ATP2B1: variants seen among roughly 807,000 people sequenced by gnomAD.
ATP2B1 encodes the protein plasma membrane calcium-transporting ATPase 1.
A neutral mutation model predicts 124.2 loss-of-function variants in ATP2B1; 14 were observed. The ratio of observed to expected loss-of-function variants is 0.11; its 90% confidence interval spans 0.07 to 0.18. The LOEUF is 0.18. ATP2B1 is among the 10% of genes least tolerant of loss of function. ATP2B1 has a pLI of 1.00. For missense variants in ATP2B1, 763 were observed against 1,466.1 expected, an observed-to-expected ratio of 0.52 and a Z score of 7.83; for synonymous variants, 449 against 492.4, an observed-to-expected ratio of 0.91 and a Z score of 1.17.
chr12:89,602,482 TC>T (rs1350185705), intron 18 of ATP2B1, among the ~76,000 whole-genome samples: 1 of 152,200 alleles, frequency 6.6e-6, no homozygotes. Context: ...ACTTCTCGGT[TC>T]CACTATTTTT....
At chr12:89,678,730 T>C (rs1324686073) in intron 1 of ATP2B1, among the ~76,000 whole-genome samples, 1 of 152,180 alleles carries the variant, frequency 6.6e-6, no homozygotes, top group Admixed American at 6.5e-5. Context: ...ATTTCAGCCA[T>C]GCAAAAGTCA....
intron 2 of ATP2B1, 77 bp downstream of exon 2, chr12:89,655,602 A>G (rs1885862515): frequency 7.4e-7 from 1 of 1,355,678 alleles, no homozygotes; most frequent in Non-Finnish European, 1.0e-6. Flanking sequence ...CCAAGATAAT[A>G]TAAGCATGCT....
chr12:89,604,439 C>A (rs1876445322), intron 15 of ATP2B1, 93 bp from the exon 16 acceptor site: 3 of 889,128 alleles, frequency 3.4e-6, no homozygotes, highest in Non-Finnish European at 5.0e-6. Context: ...AAAAGTTTAC[C>A]ATTATACCTA....
chr12:89,631,996 G>GTA (rs1881947278), intron 5 of ATP2B1, among the ~76,000 whole-genome samples: 1 of 152,128 alleles, frequency 6.6e-6, no homozygotes, highest in South Asian at 2.1e-4. Context: ...AGGATAAAGA[G>GTA]TATATTCTTC....
intron 20 of ATP2B1, among the ~76,000 whole-genome samples, chr12:89,595,440 A>G (rs1319163507): frequency 6.6e-6 from 1 of 152,100 alleles, no homozygotes; most frequent in Admixed American, 6.6e-5. Flanking sequence ...TGTTTTCTCT[A>G]GAGACCTGTA....
At position 89,611,208 on chromosome 12, in the gene ATP2B1, T is replaced by C; in HGVS notation, c.2232A>G (p.Arg744=). ...LEGKDFNRRI[R]NEKGEIEQER... is the part of the protein sequence containing the mutation. ...AAATCTTTACCTCTCCTTTTTCATT[T>C]CGTATTCTTCTGTTAAAATCTTTAC... The change falls in exon 13 of 21, where the codon CGA becomes CGG. Residue 744 remains arginine, a synonymous_variant. Transcript: ENST00000428670. 6.3e-7 allele frequency: 1 copy of C among 1,586,222 alleles called. No individual in the cohort carries two copies. The highest frequency in any genetic ancestry group is 2.2e-5 in the East Asian group (1 of 44,760).
chr12:89,594,183 C>T (rs1592691880), intron 20 of ATP2B1: 2 of 151,958 alleles, frequency 1.3e-5, no homozygotes, highest in Non-Finnish European at 2.9e-5. Context: ...AATCATCGAA[C>T]CAGAGTTGTT....
chr12:89,665,050 C>T (rs1329749643), intron 1 of ATP2B1, among the ~76,000 whole-genome samples: 4 of 152,136 alleles, frequency 2.6e-5, no homozygotes, highest in East Asian at 1.9e-4. Flanking sequence ...AGGATAGTCT[C>T]GATCTCCTGA....
chr12:89,677,971 T>TACACAC (rs869199593), intron 1 of ATP2B1, among the ~76,000 whole-genome samples: 1,369 of 52,056 alleles, frequency 0.026, 61 homozygotes, highest in African/African-American at 0.044. Context: ...TATATATATA[T>TACACAC]ACACACACAC....
In ATP2B1 at chr12:89,635,156, A is replaced by C. The variant is rs754271168; in HGVS notation, c.502T>G (p.Leu168Val). 10 of 1,613,918 alleles carry C rather than the reference A, an allele frequency of 6.2e-6. No individual in the cohort carries two copies. The highest frequency in any genetic ancestry group is 8.5e-6 in the Non-Finnish European group (10 of 1,179,888). The change falls in exon 4 of 21, where the codon TTA (leucine) becomes GTA (valine). Residue 168 changes from leucine (L) to valine (V), a missense_variant. Leu to Val is a conservative substitution (Grantham distance 32, BLOSUM62 1). Coordinates refer to ENST00000428670, the MANE Select transcript of ATP2B1 (RefSeq NM_001366521.1). ...CTCCAGTCATTGAAAGCTGTTACTA[A>C]CACCACACACACTACAGACAAGAGG... ...AILLSVVCVV[L>V]VTAFNDWSKE...
chr12:89,620,348 T>A, intron 10 of ATP2B1, 108 bp from the exon 11 acceptor site: 1 of 1,318,938 alleles, frequency 7.6e-7, no homozygotes, highest in Non-Finnish European at 1.0e-6. Flanking sequence ...AAAGCAATTG[T>A]CTAATATCAA....
intron 1 of ATP2B1, among the ~76,000 whole-genome samples, chr12:89,659,265 A>C (rs1311633338): frequency 6.6e-6 from 1 of 152,162 alleles, no homozygotes; most frequent in East Asian, 1.9e-4. Context: ...TTTTAAAGAA[A>C]GCACATGTAG....
chr12:89,635,368 A>G, intron 3 of ATP2B1, 117 bp from the exon 4 acceptor site: 1 of 1,184,204 alleles, frequency 8.4e-7, no homozygotes, highest in Non-Finnish European at 1.2e-6. Context: ...TACTTATAGC[A>G]ATAAATACTT....
intron 1 of ATP2B1, among the ~76,000 whole-genome samples, chr12:89,677,789 T>C (rs960074825): frequency 1.1e-4 from 17 of 151,914 alleles, no homozygotes; most frequent in African/African-American, 3.9e-4. Context: ...AATTATATGT[T>C]CATCCTTTTC....
intron 19 of ATP2B1, among the ~76,000 whole-genome samples, chr12:89,600,994 A>G (rs1875716705): frequency 6.6e-6 from 1 of 152,196 alleles, no homozygotes; most frequent in Non-Finnish European, 1.5e-5. Flanking sequence ...TGAAAATGTA[A>G]AAATAGGTTA....
At chr12:89,671,088 T>C (rs1887916837) in intron 1 of ATP2B1, among the ~76,000 whole-genome samples, 1 of 152,110 alleles carries the variant, frequency 6.6e-6, no homozygotes, top group African/African-American at 2.4e-5. Context: ...GACACTGCCA[T>C]TTTTGTGGAT....
At chr12:89,598,814 A>T in intron 20 of ATP2B1, 1 of 1,558,314 alleles carries the variant, frequency 6.4e-7, no homozygotes. Flanking sequence ...GGACCATTCC[A>T]TCTATCAACA....
rs1197757771 is a variant in ATP2B1, at chr12:89,652,324, A to G, written c.208+3355T>C. Among the ~76,000 whole-genome samples, 3 of 150,702 alleles carry G rather than the reference A, an allele frequency of 2.0e-5. No homozygotes were observed. In the East Asian group the frequency reaches 5.9e-4, roughly 29 times the overall value. ...ATTATACACCAACAACTGCCTTCCC[A>G]GTAACTGCCAGGCCCCACCACCTTT... On this transcript the variant is annotated intron_variant, in intron 2 of 20. Coordinates refer to ENST00000428670, the MANE Select transcript of ATP2B1 (RefSeq NM_001366521.1).
In ATP2B1 at chr12:89,617,774, C is replaced by G. The variant is rs927583461; in HGVS notation, c.1830-735G>C. Among the ~76,000 whole-genome samples, 3 of 152,200 alleles carry G rather than the reference C, an allele frequency of 2.0e-5. No individual in the cohort carries two copies. In the East Asian group the frequency reaches 5.8e-4, roughly 29 times the overall value. ...TTCCATCACTGCTGAAAAATTCTAC[C>G]CAGATGTTTTATCAGTACCTAAACC... On this transcript the variant is annotated intron_variant, in intron 11 of 20. Coordinates refer to ENST00000428670, the MANE Select transcript of ATP2B1 (RefSeq NM_001366521.1).
Sources: allele counts gnomAD v4.1 joint callset (sites outside exome capture counted in the v4.1 genomes callset), GRCh38; gene constraint gnomAD v4.1.1; transcripts MANE v1.5; gene names NCBI Gene and HGNC (gene_info 2026-07-23, HGNC 2026-07-21).